Variants in DIO2 observed in about 807,000 individuals in gnomAD.
DIO2 encodes iodothyronine deiodinase 2.
In DIO2, 19 loss-of-function variants were observed where a neutral mutation model predicts 21.4. That is an observed-to-expected ratio of 0.89 (90% CI 0.62 to 1.30). The LOEUF is 1.30. Ranked by LOEUF, DIO2 falls within the 50% of genes most tolerant of loss-of-function variation. The probability of loss-of-function intolerance (pLI) is 0.00; values close to 1 mark genes in which losing one functional copy is unlikely to be tolerated. For missense variants in DIO2, 302 were observed against 338.1 expected (o/e 0.89, Z 0.84); for synonymous variants, 122 against 132.9 (o/e 0.92, Z 0.57).
At chr14:80,209,807 T>A (rs530299654) in intron 1 of DIO2, among the ~76,000 whole-genome samples, 1 of 152,326 alleles carries the variant, frequency 6.6e-6, no homozygotes, top group South Asian at 2.1e-4. Flanking sequence ...AATAAAGACG[T>A]GCATTGTGGT....
Position 80,202,928 on chromosome 14 carries a change from C to G in DIO2, c.583G>C (p.Ala195Pro). The part of the protein sequence containing the change: ...HQNQEDRCAA[A>P]QQLLERFSLP... ...GAGAAACGCTCCAGAAGCTGCTGGGCTGCTGCACATCGATCTTCCTGGTTC... is the reference window on the plus strand; with the variant it reads ...GAGAAACGCTCCAGAAGCTGCTGGGGTGCTGCACATCGATCTTCCTGGTTC... Residue 195 changes from alanine to proline, a missense_variant, in exon 2 of 2, where the codon GCC (alanine) becomes CCC (proline). Transcript: ENST00000438257. 4 of 1,613,984 alleles carry G rather than the reference C, an allele frequency of 2.5e-6. No homozygotes were observed. Among genetic ancestry groups the G allele is most frequent in the Non-Finnish European group, 3.4e-6 (4 of 1,179,892 alleles).
chr14:80,212,720 G>A (rs2140011521), upstream of DIO2, among the ~76,000 whole-genome samples: 1 of 151,728 alleles, frequency 6.6e-6, no homozygotes, highest in South Asian at 2.1e-4. Flanking sequence ...TCTTATTTAA[G>A]AAAATGCAAA....
intron 1 of DIO2, 45 bp downstream of exon 1, chr14:80,211,206 C>T (rs1326345234): frequency 1.3e-6 from 2 of 1,562,130 alleles, no homozygotes; most frequent in Non-Finnish European, 1.7e-6. Context: ...ATATGAGCCC[C>T]TGCCCCTGTA....
intron 2 of DIO2, among the ~76,000 whole-genome samples, chr14:80,217,813 ACTC>A (rs2140015569): frequency 6.6e-6 from 1 of 152,248 alleles, no homozygotes; most frequent in Non-Finnish European, 1.5e-5. Context: ...AAGACCTCAA[ACTC>A]CTCAAAGCAA....
At chr14:80,219,523 T>G (rs901570837) in intron 2 of DIO2, 1 of 150,560 alleles carries the variant, frequency 6.6e-6, no homozygotes, top group Non-Finnish European at 1.5e-5. Context: ...TTTTTTTTTT[T>G]TGGTTGAGTT....
At chr14:80,224,918 T>C (rs911048871) in intron 2 of DIO2, among the ~76,000 whole-genome samples, 4 of 152,148 alleles carry the variant, frequency 2.6e-5, no homozygotes, top group South Asian at 2.1e-4. Context: ...CAATAGGCTG[T>C]CTGCAAGCTT....
In DIO2 at chr14:80,200,030, T is replaced by C. The variant is rs1260201817; in HGVS notation, c.*2659A>G. On this transcript the variant is annotated 3_prime_UTR_variant, in exon 2 of 2. Coordinates refer to ENST00000438257, the MANE Select transcript of DIO2 (RefSeq NM_013989.5). ...TTGATTTTCCTCTACCTCAAAATAA[T>C]GAGTTCTTGTTAATTTCATAAAAGA... 2 of 152,612 alleles carry C rather than the reference T, an allele frequency of 1.3e-5. No individual in the cohort carries two copies. Among genetic ancestry groups the C allele is most frequent in the Non-Finnish European group, 2.9e-5 (2 of 68,018 alleles). 9.5% of individuals were successfully genotyped at this position (152,612 alleles called of 1,614,324 possible). A position where few individuals can be genotyped will look rare whatever the true frequency, so the allele number is the denominator to read the frequency against.
upstream of DIO2, among the ~76,000 whole-genome samples, chr14:80,214,794 G>A (rs143981308): frequency 2.4e-3 from 362 of 152,198 alleles, 2 homozygotes; most frequent in African/African-American, 7.8e-3. Context: ...TAATCCTAAG[G>A]TGACAGAGTA....
chr14:80,228,640 C>G (rs1016833072), intron 2 of DIO2, among the ~76,000 whole-genome samples: 1 of 152,138 alleles, frequency 6.6e-6, no homozygotes, highest in African/African-American at 2.4e-5. Context: ...CCATAATAGC[C>G]CTCACCCTAC....
rs1418086882 is a variant in DIO2 at position 80,202,398 on chromosome 14, T to G, written c.*291A>C. On this transcript the variant is annotated 3_prime_UTR_variant, in exon 2 of 2. Coordinates refer to ENST00000438257, the MANE Select transcript of DIO2 (RefSeq NM_013989.5). Reference sequence around the variant, plus strand: ...AGCATGCATCAGATGTATCAGTTCCTTCTCAATGCAGAATGAACACATGCT... The same window carrying G: ...AGCATGCATCAGATGTATCAGTTCCGTCTCAATGCAGAATGAACACATGCT... The G allele has an allele frequency of 1.6e-6, 1 of 641,216 alleles. No individual in the cohort carries two copies. The highest frequency in any genetic ancestry group is 2.9e-6 in the Non-Finnish European group (1 of 340,426). 39.7% of individuals were successfully genotyped at this position (641,216 alleles called of 1,614,324 possible).
At chr14:80,221,211 T>C (rs1363203207) in intron 2 of DIO2, among the ~76,000 whole-genome samples, 1 of 152,186 alleles carries the variant, frequency 6.6e-6, no homozygotes, top group Non-Finnish European at 1.5e-5. Context: ...TACAATGGTA[T>C]TATTGTCTAC....
chr14:80,218,259 C>G (rs568597358), intron 2 of DIO2, among the ~76,000 whole-genome samples: 1 of 151,894 alleles, frequency 6.6e-6, no homozygotes, highest in African/African-American at 2.4e-5. Context: ...CAGATCCTGG[C>G]AGGCAGGCCA....
rs1425445795 is a variant in DIO2 at position 80,211,371 on chromosome 14, G to A, written c.102C>T (p.Leu34=). The A allele has an allele frequency of 1.2e-6, 2 of 1,613,752 alleles. No homozygotes were observed. Among genetic ancestry groups the A allele is most frequent in the Non-Finnish European group, 1.7e-6 (2 of 1,179,836 alleles). The stretch of plus-strand genomic sequence containing the variant: ...GGCTCAACAGCAGCACCACGTGCTT[G>A]AGCAGAATGACCGAGTCATAGAGAG... ...FLALYDSVIL[L]KHVVLLLSRS... Residue 34 remains leucine (L), a synonymous_variant, in exon 1 of 2, where the codon CTC becomes CTT. Coordinates refer to ENST00000438257, the MANE Select transcript of DIO2 (RefSeq NM_013989.5).
In DIO2 at chr14:80,202,307, C is replaced by T. The variant is rs781728244; in HGVS notation, c.*382G>A. On this transcript the variant is annotated 3_prime_UTR_variant, in exon 2 of 2. Coordinates refer to ENST00000438257, the MANE Select transcript of DIO2 (RefSeq NM_013989.5). ...ATAGAGCCAAGGCAATACCCTTTAT[C>T]TTAACGTAGACAGTAGCTTCCCTAA... The T allele has an allele frequency of 4.0e-5, 21 of 527,290 alleles. No individual in the cohort carries two copies. The highest frequency in any genetic ancestry group is 8.4e-5 in the South Asian group (6 of 71,632). 32.7% of individuals were successfully genotyped at this position (527,290 alleles called of 1,614,324 possible). A position where few individuals can be genotyped will look rare whatever the true frequency, so the allele number is the denominator to read the frequency against.
intron 2 of DIO2, among the ~76,000 whole-genome samples, chr14:80,223,309 C>A (rs1888504180): frequency 6.6e-6 from 1 of 152,160 alleles, no homozygotes; most frequent in African/African-American, 2.4e-5. Context: ...GATGAAGTTA[C>A]ATACCTTGTC....
rs1566659868 is a variant in DIO2, at chr14:80,202,767, G to A, written c.744C>T (p.Ser248=). 2.5e-6 allele frequency: 4 copies of A among 1,613,942 alleles called. No individual in the cohort carries two copies. Among genetic ancestry groups the A allele is most frequent in the Non-Finnish European group, 3.4e-6 (4 of 1,179,876 alleles). ...AATGCCGGACTTCTTGAAGGTTGTAGGAGAAGGGGCCCTTTCCTCCCAGAT... is the reference window on the plus strand; with the variant it reads ...AATGCCGGACTTCTTGAAGGTTGTAAGAGAAGGGGCCCTTTCCTCCCAGAT... ...IAYLGGKGPF[S]YNLQEVRHWL... The change falls in exon 2 of 2, where the codon TCC becomes TCT. Residue 248 remains serine (S), a synonymous_variant. Coordinates refer to ENST00000438257, the MANE Select transcript of DIO2 (RefSeq NM_013989.5).
chr14:80,224,803 C>T (rs8015989), intron 2 of DIO2, among the ~76,000 whole-genome samples: 41,013 of 152,016 alleles, frequency 0.27, 6,934 homozygotes, highest in Non-Finnish European at 0.37. Flanking sequence ...CCTTCAGCAA[C>T]GTACTATGTA....
intron 2 of DIO2, among the ~76,000 whole-genome samples, chr14:80,218,334 T>C (rs1888396954): frequency 1.3e-5 from 2 of 152,192 alleles, no homozygotes; most frequent in Non-Finnish European, 2.9e-5. Flanking sequence ...TTGGATGTAG[T>C]AGAAAATAGA....
intron 2 of DIO2, among the ~76,000 whole-genome samples, chr14:80,223,256 C>T (rs890857462): frequency 2.0e-5 from 3 of 152,278 alleles, no homozygotes; most frequent in Non-Finnish European, 4.4e-5. Flanking sequence ...TTTTCAGTCT[C>T]ACCCATCAAT....
Sources: allele counts gnomAD v4.1 joint callset (sites outside exome capture counted in the v4.1 genomes callset), GRCh38; gene constraint gnomAD v4.1.1; transcripts MANE v1.5; gene names NCBI Gene and HGNC (gene_info 2026-07-23, HGNC 2026-07-21).